Variants in UMAD1 observed in about 807,000 individuals in gnomAD.
UMAD1 encodes the protein UBAP1-MVB12-associated (UMA) domain containing 1.
In UMAD1, 8 loss-of-function variants were observed where a neutral mutation model predicts 6.1. The ratio of observed to expected loss-of-function variants is 1.30; its 90% CI spans 0.76 to 2.35. The LOEUF is 2.35. Ranked by LOEUF, UMAD1 falls within the 30% of genes most tolerant of loss-of-function variation. UMAD1 has a pLI of 0.00. For missense variants in UMAD1, 130 were observed against 78.4 expected, an observed-to-expected ratio of 1.66 and a Z score of -2.49; for synonymous variants, 56 against 31.4, an observed-to-expected ratio of 1.78 and a Z score of -2.61.
chr7:7,728,217 CAACTT>C (rs1563159489), intron 2 of UMAD1, among the ~76,000 whole-genome samples: 1 of 152,122 alleles, frequency 6.6e-6, no homozygotes, highest in Admixed American at 6.5e-5. Flanking sequence ...TCTTTATAGT[CAACTT>C]GACATAAAGA....
At chr7:7,708,950 AGG>A (rs994959023) in intron 2 of UMAD1, among the ~76,000 whole-genome samples, 2 of 151,778 alleles carry the variant, frequency 1.3e-5, no homozygotes, top group Middle Eastern at 3.2e-3. Flanking sequence ...AGAGAGAGAG[AGG>A]GAGAGAGAGA....
chr7:7,857,913 G>A (rs1232804639), intron 3 of UMAD1, among the ~76,000 whole-genome samples: 1 of 152,168 alleles, frequency 6.6e-6, no homozygotes, highest in Admixed American at 6.5e-5. Context: ...ATAATCTTTG[G>A]TCTCTAGAAA....
chr7:7,867,843 TC>T (rs1784261007), intron 3 of UMAD1, among the ~76,000 whole-genome samples: 1 of 152,026 alleles, frequency 6.6e-6, no homozygotes. Context: ...ATTAGGAGAC[TC>T]CCCCTAATTG....
At chr7:7,801,552 T>C in intron 2 of UMAD1, 118 bp from the exon 3 acceptor site, 1 of 602,816 alleles carries the variant, frequency 1.7e-6, no homozygotes, top group Non-Finnish European at 3.0e-6. Context: ...AGGGAAATAG[T>C]GGTTTCTTCC....
chr7:7,812,231 C>T (rs1783034259), intron 3 of UMAD1, among the ~76,000 whole-genome samples: 2 of 152,132 alleles, frequency 1.3e-5, no homozygotes, highest in Non-Finnish European at 2.9e-5. Flanking sequence ...ACCCTGTTTC[C>T]ATCCAAACTG....
chr7:7,819,936 C>G (rs1341694916), intron 3 of UMAD1, among the ~76,000 whole-genome samples: 1 of 152,076 alleles, frequency 6.6e-6, no homozygotes, highest in African/African-American at 2.4e-5. Context: ...ATTACTCTGC[C>G]AAAGATTTGT....
chr7:7,722,461 C>G (rs1781069218), intron 2 of UMAD1, among the ~76,000 whole-genome samples: 1 of 152,072 alleles, frequency 6.6e-6, no homozygotes, highest in South Asian at 2.1e-4. Context: ...TTTGACACTC[C>G]TGATTTACCG....
At chr7:7,662,246 T>A (rs1010092848) in intron 1 of UMAD1, among the ~76,000 whole-genome samples, 1 of 152,148 alleles carries the variant, frequency 6.6e-6, no homozygotes, top group African/African-American at 2.4e-5. Context: ...CTTGCTGAGC[T>A]CCATGGGGTT....
chr7:7,646,976 G>A (rs968975302), intron 1 of UMAD1, among the ~76,000 whole-genome samples: 23 of 152,110 alleles, frequency 1.5e-4, no homozygotes, highest in Non-Finnish European at 3.1e-4. Flanking sequence ...TGGAGCCCTC[G>A]CCAGGGACCC....
intron 2 of UMAD1, among the ~76,000 whole-genome samples, chr7:7,708,795 G>A (rs1221774367): frequency 6.6e-6 from 1 of 151,944 alleles, no homozygotes; most frequent in African/African-American, 2.4e-5. Flanking sequence ...GACTTTTTTT[G>A]CCCATTAATA....
chr7:7,701,250 AGC>A (rs1439351667), intron 2 of UMAD1, among the ~76,000 whole-genome samples: 2 of 152,218 alleles, frequency 1.3e-5, no homozygotes, highest in Non-Finnish European at 2.9e-5. Context: ...TGGGGCTTAG[AGC>A]CCTAAAACCT....
Position 7,699,104 on chromosome 7 carries a change from C to T in UMAD1, c.82+25651C>T, listed in dbSNP as rs1780393671. On this transcript the variant is annotated intron_variant, in intron 2 of 3. Transcript: ENST00000682710. Reference sequence around the variant, plus strand: ...GTTGCCCAGGCTGATCTTTGCCTGCCTTGGCTTCCAAAGTGCTAGCATTAT... The same window carrying T: ...GTTGCCCAGGCTGATCTTTGCCTGCTTTGGCTTCCAAAGTGCTAGCATTAT... 3.3e-5 allele frequency among the ~76,000 whole-genome samples: 5 copies of T among 151,776 alleles called. No homozygotes were observed. In the South Asian group the frequency reaches 1.0e-3, roughly 32 times the overall value.
intron 2 of UMAD1, among the ~76,000 whole-genome samples, chr7:7,679,865 T>G (rs1311190746): frequency 1.3e-5 from 2 of 151,602 alleles, no homozygotes; most frequent in African/African-American, 4.8e-5. Flanking sequence ...ATGCCTGGCC[T>G]GCCCATTTTA....
intron 2 of UMAD1, among the ~76,000 whole-genome samples, chr7:7,680,219 T>C (rs1405165985): frequency 1.3e-5 from 2 of 152,180 alleles, no homozygotes; most frequent in African/African-American, 4.8e-5. Context: ...GATTTTTGTA[T>C]GTGGCGAGAG....
intron 3 of UMAD1, among the ~76,000 whole-genome samples, chr7:7,806,871 G>A (rs1476734655): frequency 6.6e-6 from 1 of 152,118 alleles, no homozygotes; most frequent in Non-Finnish European, 1.5e-5. Flanking sequence ...TAGTAAATTA[G>A]CATGGGTTCC....
chr7:7,740,109 T>G (rs1266265748), intron 2 of UMAD1, among the ~76,000 whole-genome samples: 2 of 152,248 alleles, frequency 1.3e-5, no homozygotes, highest in Admixed American at 6.5e-5. Flanking sequence ...ATGAGACAGA[T>G]TTGAAATTCT....
chr7:7,793,066 C>T (rs1370448079), intron 2 of UMAD1, among the ~76,000 whole-genome samples: 1 of 152,200 alleles, frequency 6.6e-6, no homozygotes, highest in Non-Finnish European at 1.5e-5. Context: ...TCCATAGATT[C>T]TCTGATGCTG....
intron 3 of UMAD1, among the ~76,000 whole-genome samples, chr7:7,837,457 C>G (rs1783592129): frequency 6.6e-6 from 1 of 152,098 alleles, no homozygotes; most frequent in African/African-American, 2.4e-5. Context: ...TAGCCAACAA[C>G]TCCGTAGAGA....
At chr7:7,852,729 G>T (rs1783942132) in intron 3 of UMAD1, among the ~76,000 whole-genome samples, 1 of 152,138 alleles carries the variant, frequency 6.6e-6, no homozygotes, top group Non-Finnish European at 1.5e-5. Flanking sequence ...CTTCCTGTCA[G>T]CCTCCACATA....
Sources: allele counts gnomAD v4.1 joint callset (sites outside exome capture counted in the v4.1 genomes callset), GRCh38; gene constraint gnomAD v4.1.1; transcripts MANE v1.5; gene names NCBI Gene and HGNC (gene_info 2026-07-23, HGNC 2026-07-21).